The following CEP250 variants were observed in gnomAD, a reference collection of about 807,000 sequenced individuals.
CEP250 encodes the protein centrosomal protein 250, also known as centrosome-associated protein CEP250.
In CEP250, 242 loss-of-function variants were observed where a neutral mutation model predicts 315.7. The ratio of observed to expected loss-of-function variants is 0.77; its 90% CI spans 0.69 to 0.85. CEP250 has a LOEUF of 0.85. Ranked by LOEUF, CEP250 falls within the 40% of genes least tolerant of loss-of-function variation. The pLI is 0.00. For synonymous variants in CEP250, 1,088 were observed against 1,175.0 expected, an observed-to-expected ratio of 0.93 and a Z score of 1.51; for missense variants, 2,515 against 2,886.4, an observed-to-expected ratio of 0.87 and a Z score of 2.95.
chr20:35,466,346 C>A (rs955444698), intron 7 of CEP250, 142 bp downstream of exon 7: 2 of 1,008,246 alleles, frequency 2.0e-6, no homozygotes, highest in East Asian at 5.3e-5. Flanking sequence ...TCCTTACCTG[C>A]GCATGCTGGC....
At chr20:35,490,566 T>C in intron 20 of CEP250, 71 bp from the exon 21 acceptor site, 1 of 1,467,720 alleles carries the variant, frequency 6.8e-7, no homozygotes, top group South Asian at 1.3e-5. Context: ...AGACTTTGTT[T>C]TTCCAATCCA....
chr20:35,490,926 C>A, intron 21 of CEP250, 122 bp downstream of exon 21: 1 of 1,210,466 alleles, frequency 8.3e-7, no homozygotes, highest in Non-Finnish European at 1.2e-6. Context: ...GGTAGCTACC[C>A]ACTTTGCTAA....
chr20:35,502,720 C>T lies in CEP250; in HGVS notation c.4351C>T (p.Arg1451Trp), dbSNP rs780139027. 35 of 1,614,116 alleles carry T rather than the reference C, an allele frequency of 2.2e-5. No homozygotes were observed. Among genetic ancestry groups the T allele is most frequent in the Middle Eastern group, 1.6e-4 (1 of 6,084 alleles). ...RGQIQELEKQ[R>W]EMQKAALELL... ...ACAAATCCAGGAACTGGAGAAGCAA[C>T]GGGAAATGCAGAAGGCTGCTTTGGA... is the stretch of plus-strand genomic sequence containing the variant. Residue 1451 changes from arginine to tryptophan, a missense_variant, in exon 30 of 35, where the codon CGG becomes TGG. Arg to Trp is a moderately radical substitution (Grantham distance 101, BLOSUM62 -3). Transcript: ENST00000397527.
intron 3 of CEP250, among the ~76,000 whole-genome samples, 166 bp from the exon 4 acceptor site, chr20:35,462,099 A>G (rs1272430749): frequency 1.3e-5 from 2 of 152,324 alleles, no homozygotes; most frequent in East Asian, 3.9e-4. Context: ...GCCAGGAGAC[A>G]CTAGTCCTGT....
chr20:35,480,728 G>A (rs1432836514), intron 20 of CEP250, among the ~76,000 whole-genome samples: 1 of 151,804 alleles, frequency 6.6e-6, no homozygotes, highest in Non-Finnish European at 1.5e-5. Context: ...AAGTAGCTGG[G>A]ATTACAGGTG....
intron 2 of CEP250, among the ~76,000 whole-genome samples, chr20:35,458,631 C>G (rs934502885): frequency 6.6e-6 from 1 of 152,092 alleles, no homozygotes; most frequent in African/African-American, 2.4e-5. Context: ...TTTACTTTCC[C>G]TTTGGGGGCT....
chr20:35,465,877 G>A (rs1351271435), intron 6 of CEP250, 52 bp downstream of exon 6: 1 of 1,553,716 alleles, frequency 6.4e-7, no homozygotes, highest in South Asian at 1.2e-5. Flanking sequence ...TGGTGGAGAA[G>A]GCTGATGGGA....
rs749605016 is a variant in CEP250 at position 35,509,978 on chromosome 20, G to A, written c.7009-20G>A. ...AGTGGGAAGGCCTATGCCAACAAGAGTGCTGTTTGTCTTCCTTAGGATGGG... is the reference window on the plus strand; with the variant it reads ...AGTGGGAAGGCCTATGCCAACAAGAATGCTGTTTGTCTTCCTTAGGATGGG... On this transcript the variant is annotated intron_variant, in intron 33 of 34. Transcript: ENST00000397527. 6.2e-6 allele frequency: 10 copies of A among 1,612,950 alleles called. No individual in the cohort carries two copies. The South Asian group carries it at 1.1e-4, about 18-fold the overall frequency.
In CEP250 at chr20:35,474,044, G is replaced by T; in HGVS notation, c.1563G>T (p.Arg521Ser). ...AGCTGCACCTGGCTGTCCGGGAGAGGGAGCGTCTGTAAGTGAGACTAGTCT... is the reference window on the plus strand; with the variant it reads ...AGCTGCACCTGGCTGTCCGGGAGAGTGAGCGTCTGTAAGTGAGACTAGTCT... ...QEELHLAVRE[R>S]ERLQEMLMGL... The change falls in exon 14 of 35, where the codon AGG becomes AGT. Residue 521 changes from arginine (R) to serine (S), a missense_variant. Arg to Ser is a moderately radical substitution (Grantham distance 110, BLOSUM62 -1). Transcript: ENST00000397527. 6.4e-7 allele frequency: 1 copy of T among 1,559,948 alleles called. No individual in the cohort carries two copies. The highest frequency in any genetic ancestry group is 8.6e-7 in the Non-Finnish European group (1 of 1,156,808).
chr20:35,466,062 A>G lies in CEP250; in HGVS notation c.350A>G (p.Asn117Ser). 2 of 1,614,154 alleles carry G rather than the reference A, an allele frequency of 1.2e-6. No individual in the cohort carries two copies. Among genetic ancestry groups the G allele is most frequent in the South Asian group, 1.1e-5 (1 of 91,082 alleles). ...AGGTGTGAGAGTCTAGCAGAGGTGA[A>G]CACCCAGCTTCGACTGCACATGGAA... is the stretch of plus-strand genomic sequence containing the variant. ...QQRCESLAEV[N>S]TQLRLHMEKA... is the part of the protein sequence containing the mutation. Residue 117 changes from asparagine to serine, a missense_variant, in exon 7 of 35, where the codon AAC (asparagine) becomes AGC (serine). Coordinates refer to ENST00000397527, the MANE Select transcript of CEP250 (RefSeq NM_007186.6).
In CEP250 at chr20:35,473,870, G is replaced by A. The variant is rs1359060727; in HGVS notation, c.1389G>A (p.Lys463=). 3.7e-6 allele frequency: 6 copies of A among 1,608,570 alleles called. No individual in the cohort carries two copies. The highest frequency in any genetic ancestry group is 5.1e-6 in the Non-Finnish European group (6 of 1,178,298). ...CTCATCTCTGATTCCCTTCTTCCAG[G>A]GAGCGAGAGCTGCTGCAGAAGGCCA... is the stretch of plus-strand genomic sequence containing the variant. ...DLQGEVDSLS[K]ERELLQKARE... is the part of the protein sequence containing the mutation. Residue 463 remains lysine, a splice_region_variant and synonymous_variant, in exon 14 of 35, where the codon AAG becomes AAA. Transcript: ENST00000397527.
rs1315250314 is a variant in CEP250, at chr20:35,512,392, AAAG to A, written c.*770_*772del. 2.0e-5 allele frequency: 3 copies of A among 152,168 alleles called. No individual in the cohort carries two copies. Among genetic ancestry groups the A allele is most frequent in the Non-Finnish European group, 4.4e-5 (3 of 68,056 alleles). The allele number at this position is 152,168 out of a possible 1,614,324, so 9.4% of individuals were successfully genotyped here. A position where few individuals can be genotyped will look rare whatever the true frequency, so the allele number is the denominator to read the frequency against. ...TGAGCGGGGAGATTTTGGAGGGTTA[AAAG>A]AAGTTCTGGGGCCTCAAAAACACAG... On this transcript the variant is annotated 3_prime_UTR_variant, in exon 35 of 35. Transcript: ENST00000397527.
rs747483645 is a variant in CEP250 at position 35,476,631 on chromosome 20, T to C, written c.1863+36T>C. On this transcript the variant is annotated intron_variant, in intron 16 of 34. Coordinates refer to ENST00000397527, the MANE Select transcript of CEP250 (RefSeq NM_007186.6). Reference sequence around the variant, plus strand: ...ATTTTCCTGGTCCCCACAGAAGGGCTGGGCCCTAACTGAGAGCAAGACGGA... The same window carrying C: ...ATTTTCCTGGTCCCCACAGAAGGGCCGGGCCCTAACTGAGAGCAAGACGGA... 70 of 1,599,742 alleles carry C rather than the reference T, an allele frequency of 4.4e-5. No homozygotes were observed. In the Admixed American group the frequency reaches 1.1e-3, roughly 25 times the overall value.
intron 20 of CEP250, among the ~76,000 whole-genome samples, chr20:35,484,593 C>T (rs1398102984): frequency 6.6e-6 from 1 of 151,772 alleles, no homozygotes; most frequent in East Asian, 1.9e-4. Flanking sequence ...AAGCTGAGGT[C>T]ACTACAGCCC....
In CEP250 at chr20:35,509,031, C is replaced by T. The variant is rs750186057; in HGVS notation, c.6995C>T (p.Ser2332Leu). The change falls in exon 33 of 35, where the codon TCA becomes TTA. Residue 2332 changes from serine to leucine, a missense_variant. Transcript: ENST00000397527. ...SLEISKATAS[S>L]PTQQDGRGQK... is the part of the protein sequence containing the mutation. ...GAGATCAGCAAGGCCACGGCTTCTT[C>T]ACCCACACAGCAGGTTTACTCATTT... 5 of 1,555,914 alleles carry T rather than the reference C, an allele frequency of 3.2e-6. No individual in the cohort carries two copies. In the East Asian group the frequency reaches 9.6e-5, roughly 30 times the overall value.
intron 20 of CEP250, among the ~76,000 whole-genome samples, chr20:35,490,090 A>G (rs544780816): frequency 1.4e-4 from 22 of 152,302 alleles, no homozygotes; most frequent in African/African-American, 5.1e-4. Flanking sequence ...AGGCAGGCAG[A>G]TCACTTGAGG....
intron 2 of CEP250, among the ~76,000 whole-genome samples, chr20:35,458,964 A>ATAT: frequency 1.1e-5 from 1 of 91,420 alleles, no homozygotes; most frequent in South Asian, 4.1e-4. Context: ...TATAATGCAA[A>ATAT]TCTTTTTTTT....
chr20:35,471,836 C>G (rs7260751), intron 10 of CEP250, among the ~76,000 whole-genome samples: 1 of 152,148 alleles, frequency 6.6e-6, no homozygotes, highest in Admixed American at 6.6e-5. Flanking sequence ...TCTGTGAAGT[C>G]CAATTTGGAA....
At position 35,497,935 on chromosome 20, in the gene CEP250, C is replaced by G. The variant is rs138159510; in HGVS notation, c.3523C>G (p.Gln1175Glu). The part of the protein sequence containing the change: ...ALAAEQQPGN[Q>E]AQAQAQLASL... ...GGCCGCAGAGCAGCAGCCCGGGAACCAGGCCCAGGCCCAGGCCCAGCTGGC... is the reference window on the plus strand; with the variant it reads ...GGCCGCAGAGCAGCAGCCCGGGAACGAGGCCCAGGCCCAGGCCCAGCTGGC... Residue 1175 changes from glutamine (Q) to glutamate (E), a missense_variant, in exon 26 of 35, where the codon CAG becomes GAG. Gln to Glu is a conservative substitution (Grantham distance 29, BLOSUM62 2). Coordinates refer to ENST00000397527, the MANE Select transcript of CEP250 (RefSeq NM_007186.6). The G allele has an allele frequency of 7.5e-6, 12 of 1,610,158 alleles. No homozygotes were observed. Among genetic ancestry groups the G allele is most frequent in the Non-Finnish European group, 1.0e-5 (12 of 1,178,800 alleles).
Sources: gnomAD v4.1 joint callset for allele counts (sites outside exome capture counted in the v4.1 genomes callset) on GRCh38, gnomAD v4.1.1 for gene constraint, MANE v1.5 for transcripts, NCBI Gene and HGNC (gene_info 2026-07-23, HGNC 2026-07-21) for gene names.